Variants in RUNX2 observed in about 807,000 individuals in gnomAD.
RUNX2 encodes the protein runt-related transcription factor 2.
In RUNX2, 10 loss-of-function variants were observed where a neutral mutation model predicts 51.7. That is an observed-to-expected ratio of 0.19 (90% confidence interval 0.12 to 0.33). The LOEUF is 0.33. Among genes scored for constraint, RUNX2 ranks in the 10% least tolerant of loss-of-function variants. RUNX2 has a pLI of 1.00. For missense variants in RUNX2, 562 were observed against 691.3 expected, an observed-to-expected ratio of 0.81 and a Z score of 2.10; for synonymous variants, 276 against 273.6, an observed-to-expected ratio of 1.01 and a Z score of -0.09.
intron 2 of RUNX2, among the ~76,000 whole-genome samples, chr6:45,362,933 T>TTTAA (rs146149580): frequency 0.013 from 2,013 of 152,128 alleles, 25 homozygotes; most frequent in Non-Finnish European, 0.021. Flanking sequence ...CTCTACAGCT[T>TTTAA]TTAATTTAAT....
chr6:45,374,034 G>A lies in RUNX2; in HGVS notation c.58+45250G>A, dbSNP rs552277141. Among the ~76,000 whole-genome samples, 22 of 152,262 alleles carry A rather than the reference G, an allele frequency of 1.4e-4. No homozygotes were observed. In the East Asian group the frequency reaches 2.9e-3, roughly 20 times the overall value. On this transcript the variant is annotated intron_variant, in intron 2 of 8. Transcript: ENST00000647337. ...TATAAAAATGTTTGTAAAGTAAGACGATAATTTTTAAATGTAATTCTCATT... is the reference window on the plus strand; with the variant it reads ...TATAAAAATGTTTGTAAAGTAAGACAATAATTTTTAAATGTAATTCTCATT...
At chr6:45,399,638 G>T (rs938937840) in intron 2 of RUNX2, among the ~76,000 whole-genome samples, 1 of 151,824 alleles carries the variant, frequency 6.6e-6, no homozygotes, top group East Asian at 1.9e-4. Context: ...GATTACAGGC[G>T]TGAGCCACCT....
At chr6:45,482,598 T>A (rs1046878398) in intron 5 of RUNX2, among the ~76,000 whole-genome samples, 4 of 152,246 alleles carry the variant, frequency 2.6e-5, no homozygotes, top group Non-Finnish European at 5.9e-5. Context: ...TGTATTTAAA[T>A]ATGACTACAT....
At position 45,448,241 on chromosome 6, in the gene RUNX2, T is replaced by C. The variant is rs946490055; in HGVS notation, c.685+10190T>C. The stretch of plus-strand genomic sequence containing the variant: ...GCCATGGGCAGGCACTGAGTTGCTT[T>C]GGAACTTTTTATCCAAATTTATGTT... On this transcript the variant is annotated intron_variant, in intron 5 of 8. Coordinates refer to ENST00000647337, the MANE Select transcript of RUNX2 (RefSeq NM_001024630.4). 2.6e-4 allele frequency among the ~76,000 whole-genome samples: 39 copies of C among 152,316 alleles called. 1 individual carries two copies. The highest frequency in any genetic ancestry group is 9.1e-4 in the African/African-American group (38 of 41,570).
At chr6:45,504,882 G>A (rs1162206323) in intron 6 of RUNX2, among the ~76,000 whole-genome samples, 2 of 152,138 alleles carry the variant, frequency 1.3e-5, no homozygotes, top group Admixed American at 6.5e-5. Context: ...TTTGAGTACT[G>A]TTTAGGGGGA....
chr6:45,519,194 C>T (rs776244306), intron 7 of RUNX2, among the ~76,000 whole-genome samples: 16 of 152,154 alleles, frequency 1.1e-4, no homozygotes, highest in East Asian at 3.9e-4. Context: ...GAAATGCATG[C>T]GACATTATTA....
chr6:45,491,859 T>G, intron 5 of RUNX2, 82 bp from the exon 6 acceptor site: 1 of 1,392,698 alleles, frequency 7.2e-7, no homozygotes, highest in Non-Finnish European at 1.0e-6. Context: ...AAACTCCCAG[T>G]TTGTATGTTC....
chr6:45,432,686 A>G (rs760368828), intron 4 of RUNX2, among the ~76,000 whole-genome samples: 3 of 152,224 alleles, frequency 2.0e-5, no homozygotes, highest in Non-Finnish European at 2.9e-5. Flanking sequence ...AGATCCTTAA[A>G]TAGAAAATTA....
At chr6:45,365,354 T>C in intron 2 of RUNX2, 1 of 1,199,798 alleles carries the variant, frequency 8.3e-7, no homozygotes. Context: ...TATAAGTAAA[T>C]GCAAAAAAAA....
chr6:45,519,312 TC>T (rs927042260), intron 7 of RUNX2, among the ~76,000 whole-genome samples: 2 of 152,232 alleles, frequency 1.3e-5, no homozygotes, highest in African/African-American at 4.8e-5. Context: ...TCCTACCATC[TC>T]CCACTTTCTC....
chr6:45,431,097 T>A (rs1798529497), intron 3 of RUNX2, among the ~76,000 whole-genome samples: 1 of 152,242 alleles, frequency 6.6e-6, no homozygotes, highest in Non-Finnish European at 1.5e-5. Context: ...CTTGATTGAG[T>A]TAATTTGCTT....
chr6:45,390,801 A>G (rs934062150), intron 2 of RUNX2, among the ~76,000 whole-genome samples: 1 of 152,242 alleles, frequency 6.6e-6, no homozygotes, highest in Non-Finnish European at 1.5e-5. Context: ...GAGAAGCTGG[A>G]TAACTGAGAA....
chr6:45,414,499 C>T (rs891885305), intron 2 of RUNX2, among the ~76,000 whole-genome samples: 2 of 151,962 alleles, frequency 1.3e-5, no homozygotes, highest in East Asian at 1.9e-4. Context: ...CTTGTAAGTC[C>T]GTCTAGTGGA....
chr6:45,447,870 T>C (rs1354525214), intron 5 of RUNX2, among the ~76,000 whole-genome samples: 1 of 152,216 alleles, frequency 6.6e-6, no homozygotes, highest in East Asian at 1.9e-4. Context: ...CTGAAAATGT[T>C]AGCAGTTGTG....
intron 2 of RUNX2, chr6:45,372,037 T>G: frequency 1.0e-6 from 1 of 966,720 alleles, no homozygotes; most frequent in Non-Finnish European, 1.2e-6. Flanking sequence ...AATAAAAGTT[T>G]ATCATAACTA....
intron 2 of RUNX2, among the ~76,000 whole-genome samples, chr6:45,338,521 G>A (rs188395859): frequency 6.6e-6 from 1 of 152,118 alleles, no homozygotes; most frequent in East Asian, 1.9e-4. Flanking sequence ...ACTGATTTCA[G>A]GTAGCTGCCA....
intron 5 of RUNX2, among the ~76,000 whole-genome samples, chr6:45,449,794 A>G (rs908876676): frequency 1.1e-4 from 16 of 152,254 alleles, no homozygotes; most frequent in Non-Finnish European, 1.9e-4. Flanking sequence ...AAAATAATAC[A>G]TTGTATAACT....
intron 2 of RUNX2, among the ~76,000 whole-genome samples, chr6:45,330,090 G>C (rs1483876364): frequency 1.3e-5 from 2 of 151,760 alleles, no homozygotes; most frequent in African/African-American, 4.8e-5. Flanking sequence ...TTCTCTTACA[G>C]GGTGAGGAAA....
chr6:45,354,669 C>A (rs900383885), intron 2 of RUNX2, among the ~76,000 whole-genome samples: 2 of 151,592 alleles, frequency 1.3e-5, no homozygotes, highest in African/African-American at 2.4e-5. Context: ...CTATATGTTG[C>A]TATGCAGAGA....
Sources: allele counts gnomAD v4.1 joint callset (sites outside exome capture counted in the v4.1 genomes callset), GRCh38; gene constraint gnomAD v4.1.1; transcripts MANE v1.5; gene names NCBI Gene and HGNC (gene_info 2026-07-23, HGNC 2026-07-21).